The following POU6F2 variants were observed in gnomAD, a reference collection of about 807,000 sequenced individuals.
POU6F2 encodes POU class 6 homeobox 2, also known as POU domain, class 6, transcription factor 2.
A neutral mutation model predicts 71.3 loss-of-function variants in POU6F2; 31 were observed. That is an observed-to-expected ratio of 0.43 (90% CI 0.33 to 0.59). The LOEUF (loss-of-function observed/expected upper bound fraction) is 0.59. Ranked by LOEUF, POU6F2 falls within the 20% of genes least tolerant of loss-of-function variation. The pLI is 0.04. For missense variants in POU6F2, 783 were observed against 856.8 expected, an observed-to-expected ratio of 0.91 and a Z score of 1.07; for synonymous variants, 347 against 355.7, an observed-to-expected ratio of 0.98 and a Z score of 0.27.
intron 7 of POU6F2, among the ~76,000 whole-genome samples, chr7:39,448,261 T>C (rs767785696): frequency 6.6e-6 from 1 of 152,190 alleles, no homozygotes; most frequent in Non-Finnish European, 1.5e-5. Context: ...CTATTCTATC[T>C]CAGCTTGCAA....
intron 2 of POU6F2, among the ~76,000 whole-genome samples, chr7:39,105,884 G>C (rs762856600): frequency 6.6e-6 from 1 of 152,174 alleles, no homozygotes; most frequent in Admixed American, 6.5e-5. Flanking sequence ...GGAAAGCCAA[G>C]ATGGAACCTA....
intron 2 of POU6F2, among the ~76,000 whole-genome samples, chr7:39,142,033 G>A (rs1179225366): frequency 6.6e-6 from 1 of 152,114 alleles, no homozygotes; most frequent in Non-Finnish European, 1.5e-5. Context: ...GTTGCAGTGA[G>A]CGGAGATCGT....
At chr7:39,216,018 A>G (rs1024890743) in intron 4 of POU6F2, among the ~76,000 whole-genome samples, 6 of 152,208 alleles carry the variant, frequency 3.9e-5, no homozygotes, top group Non-Finnish European at 7.3e-5. Context: ...AGGGAATGCC[A>G]GAACTGCAGT....
In POU6F2 at chr7:39,406,813, C is replaced by G; in HGVS notation, c.1113+73C>G. The G allele has an allele frequency of 6.4e-6, 10 of 1,555,230 alleles. No individual in the cohort carries two copies. The South Asian group carries it at 1.0e-4, about 16-fold the overall frequency. On this transcript the variant is annotated intron_variant, in intron 6 of 9. Transcript: ENST00000518318. Reference sequence around the variant, plus strand: ...TCGGAAAGGAATTGAATTTCTTTTGCATGACAGTGATATGTAACCGCATCT... The same window carrying G: ...TCGGAAAGGAATTGAATTTCTTTTGGATGACAGTGATATGTAACCGCATCT...
Position 39,182,411 on chromosome 7 carries a change from G to A in POU6F2, c.278-21824G>A, listed in dbSNP as rs991084912. 4.6e-5 allele frequency among the ~76,000 whole-genome samples: 7 copies of A among 152,214 alleles called. No individual in the cohort carries two copies. The East Asian group carries it at 9.6e-4, about 21-fold the overall frequency. Reference sequence around the variant, plus strand: ...ATGTCTTCACTTCCTATGCATCTCAGCCCTCACTGAAATGCAGTCTCAATT... The same window carrying A: ...ATGTCTTCACTTCCTATGCATCTCAACCCTCACTGAAATGCAGTCTCAATT... On this transcript the variant is annotated intron_variant, in intron 2 of 9. Transcript: ENST00000518318.
chr7:39,339,591 A>C, intron 4 of POU6F2, 51 bp from the exon 5 acceptor site: 2 of 1,535,164 alleles, frequency 1.3e-6, no homozygotes, highest in Non-Finnish European at 1.7e-6. Context: ...AAGACCCAGC[A>C]AGACACTTTG....
At chr7:39,118,482 G>T (rs750388531) in intron 2 of POU6F2, among the ~76,000 whole-genome samples, 4 of 152,050 alleles carry the variant, frequency 2.6e-5, no homozygotes, top group Non-Finnish European at 5.9e-5. Context: ...CCACAGAGAA[G>T]AGACAAAGAC....
intron 4 of POU6F2, among the ~76,000 whole-genome samples, chr7:39,220,679 G>C (rs776282438): frequency 2.6e-5 from 4 of 151,914 alleles, no homozygotes; most frequent in African/African-American, 7.3e-5. Context: ...CCTTCTGCTT[G>C]CTGGCTATGT....
chr7:39,152,083 T>C (rs979245978), intron 2 of POU6F2, among the ~76,000 whole-genome samples: 4 of 152,158 alleles, frequency 2.6e-5, no homozygotes, highest in Admixed American at 6.5e-5. Flanking sequence ...CATGCAGTGT[T>C]GGAAAATGCA....
At chr7:39,393,251 A>G (rs1311007392) in intron 5 of POU6F2, among the ~76,000 whole-genome samples, 3 of 152,084 alleles carry the variant, frequency 2.0e-5, no homozygotes, top group Non-Finnish European at 2.9e-5. Flanking sequence ...CGTTTCATGT[A>G]CTTATCTTCC....
At chr7:39,149,813 G>A (rs12701699) in intron 2 of POU6F2, among the ~76,000 whole-genome samples, 67,481 of 151,544 alleles carry the variant, frequency 0.45, 15,363 homozygotes, top group East Asian at 0.69. Flanking sequence ...CAAAACTTTT[G>A]TGTTTCTGGC....
intron 2 of POU6F2, among the ~76,000 whole-genome samples, chr7:39,170,057 A>G (rs1793189327): frequency 6.6e-6 from 1 of 152,024 alleles, no homozygotes; most frequent in Non-Finnish European, 1.5e-5. Flanking sequence ...AATCCCAGCT[A>G]CTCAGGAAGC....
chr7:39,148,574 G>A (rs1181674491), intron 2 of POU6F2, among the ~76,000 whole-genome samples: 2 of 152,138 alleles, frequency 1.3e-5, no homozygotes, highest in African/African-American at 4.8e-5. Context: ...TGATGGTGAT[G>A]ATGATGATGA....
intron 9 of POU6F2, among the ~76,000 whole-genome samples, chr7:39,462,983 A>G (rs1788984221): frequency 6.6e-6 from 1 of 152,250 alleles, no homozygotes; most frequent in Non-Finnish European, 1.5e-5. Context: ...TATTCTGAGT[A>G]ACATGGGCTC....
Position 39,464,148 on chromosome 7 carries a change from T to C in POU6F2, c.1659-34T>C. 1 of 1,603,312 alleles carries C rather than the reference T, an allele frequency of 6.2e-7. No individual in the cohort carries two copies. Among genetic ancestry groups the C allele is most frequent in the Non-Finnish European group, 8.5e-7 (1 of 1,174,380 alleles). On this transcript the variant is annotated intron_variant, in intron 9 of 9. Transcript: ENST00000518318. The surrounding 1 kb of genome is among the most constrained non-coding windows in gnomAD (Gnocchi z 4.1). Reference sequence around the variant, plus strand: ...AGGCCCACCCTGGCAGAGGACTCAGTGTAAGACTGTTCTTTCTCAATTTTC... The same window carrying C: ...AGGCCCACCCTGGCAGAGGACTCAGCGTAAGACTGTTCTTTCTCAATTTTC...
intron 4 of POU6F2, among the ~76,000 whole-genome samples, chr7:39,300,537 G>A (rs1191054825): frequency 6.6e-6 from 1 of 152,212 alleles, no homozygotes; most frequent in Non-Finnish European, 1.5e-5. Flanking sequence ...CCGCAGACTG[G>A]GTGGCTAACA....
chr7:39,374,496 C>G (rs907420302), intron 5 of POU6F2, among the ~76,000 whole-genome samples: 1 of 152,170 alleles, frequency 6.6e-6, no homozygotes, highest in African/African-American at 2.4e-5. Context: ...ATTCTAATTA[C>G]AGGTTTAAGG....
intron 2 of POU6F2, among the ~76,000 whole-genome samples, chr7:39,187,549 C>G (rs147496230): frequency 2.6e-5 from 4 of 152,306 alleles, no homozygotes; most frequent in African/African-American, 7.2e-5. Context: ...CACCGAGGGC[C>G]GCTGAAGGGG....
At chr7:39,366,775 A>G (rs1211409867) in intron 5 of POU6F2, among the ~76,000 whole-genome samples, 3 of 152,168 alleles carry the variant, frequency 2.0e-5, no homozygotes, top group Non-Finnish European at 4.4e-5. Flanking sequence ...CAGAGAGCCC[A>G]GAGGGAGGTC....
Sources: allele counts gnomAD v4.1 joint callset (sites outside exome capture counted in the v4.1 genomes callset), GRCh38; gene constraint gnomAD v4.1.1; non-coding constraint Gnocchi (gnomAD v3.1); transcripts MANE v1.5; gene names NCBI Gene and HGNC (gene_info 2026-07-23, HGNC 2026-07-21).